EFEMP2: variants seen among roughly 807,000 people sequenced by gnomAD.
EFEMP2 encodes the protein EGF-like fibulin extracellular matrix protein 2, also known as EGF-containing fibulin-like extracellular matrix protein 2.
In EFEMP2, 21 loss-of-function variants were observed where a neutral mutation model predicts 55.3. That is an observed-to-expected ratio of 0.38 (90% confidence interval 0.27 to 0.55). The LOEUF (loss-of-function observed/expected upper bound fraction) is 0.55, where lower values mean the gene tolerates loss of function less well. EFEMP2 is among the 20% of genes least tolerant of loss of function. EFEMP2 has a pLI of 0.77. For synonymous variants in EFEMP2, 275 were observed against 242.3 expected (o/e 1.14, Z -1.25); for missense variants, 513 against 615.1 (o/e 0.83, Z 1.76).
intron 8 of EFEMP2, 36 bp from the exon 9 acceptor site, chr11:65,868,457 C>A (rs533449135): frequency 4.8e-5 from 78 of 1,613,688 alleles, no homozygotes; most frequent in Non-Finnish European, 6.5e-5. Flanking sequence ...TCGGGGGCGT[C>A]AGGCTGCCAG....
chr11:65,867,045 G>T lies in EFEMP2; in HGVS notation c.1205C>A (p.Ala402Asp). 1 of 1,614,162 alleles carries T rather than the reference G, an allele frequency of 6.2e-7. No individual in the cohort carries two copies. The highest frequency in any genetic ancestry group is 8.5e-7 in the Non-Finnish European group (1 of 1,180,032). ...INNVSAMLVL[A>D]RPVTGPREYV... ...CTCCCGGGGGCCCGTCACCGGCCGGGCGAGGACCAGCATGGCGCTGACGTT... is the reference window on the plus strand; with the variant it reads ...CTCCCGGGGGCCCGTCACCGGCCGGTCGAGGACCAGCATGGCGCTGACGTT... Residue 402 changes from alanine to aspartate, a missense_variant, in exon 11 of 11, where the codon GCC becomes GAC. By Grantham distance (126) the Ala-to-Asp change is moderately radical. Transcript: ENST00000307998.
At chr11:65,870,791 G>T (rs1859952465) in intron 4 of EFEMP2, 133 bp from the exon 5 acceptor site, 1 of 1,363,756 alleles carries the variant, frequency 7.3e-7, no homozygotes, top group Middle Eastern at 1.8e-4. Flanking sequence ...ATCAGGAAAG[G>T]CACCCCTAAC....
At chr11:65,871,547 G>T (rs1001125292) in intron 3 of EFEMP2, 184 bp from the exon 4 acceptor site, 23 of 638,950 alleles carry the variant, frequency 3.6e-5, no homozygotes, top group Non-Finnish European at 6.1e-5. Context: ...CTGGAGATGG[G>T]GCAGCTGTTC....
Position 65,870,819 on chromosome 11 carries a change from G to A in EFEMP2, c.368-161C>T. On this transcript the variant is annotated intron_variant, in intron 4 of 10. Coordinates refer to ENST00000307998, the MANE Select transcript of EFEMP2 (RefSeq NM_016938.5). ...CCCCTAACCTCTAAAACCACATGTT[G>A]GGGGTTGCACAGGAAATAAGGTCCT... 8.9e-6 allele frequency: 9 copies of A among 1,007,462 alleles called. No individual in the cohort carries two copies. In the South Asian group the frequency reaches 1.2e-4, roughly 14 times the overall value. The allele number at this position is 1,007,462 out of a possible 1,614,324, so 62.4% of individuals were successfully genotyped here. A position where few individuals can be genotyped will look rare whatever the true frequency, so the allele number is the denominator to read the frequency against.
At chr11:65,871,519 C>T (rs900044713) in intron 3 of EFEMP2, 156 bp from the exon 4 acceptor site, 22 of 730,378 alleles carry the variant, frequency 3.0e-5, no homozygotes, top group Non-Finnish European at 4.6e-5. Flanking sequence ...CAGGACCCCT[C>T]CCCAGGGTTG....
chr11:65,868,071 G>A lies in EFEMP2; in HGVS notation c.975-15C>T, dbSNP rs768211662. 2.9e-5 allele frequency: 46 copies of A among 1,612,912 alleles called. No homozygotes were observed. The Admixed American group carries it at 4.7e-4, about 16-fold the overall frequency. On this transcript the variant is annotated splice_polypyrimidine_tract_variant and intron_variant, in intron 9 of 10. Coordinates refer to ENST00000307998, the MANE Select transcript of EFEMP2 (RefSeq NM_016938.5). Reference sequence around the variant, plus strand: ...AGAGACAGCGGCTAGAGACCCCGAGGTGGGGGACACAAATGAGCTCCTTGC... The same window carrying A: ...AGAGACAGCGGCTAGAGACCCCGAGATGGGGGACACAAATGAGCTCCTTGC...
chr11:65,872,245 G>C lies in EFEMP2; in HGVS notation c.110C>G (p.Thr37Arg). 2 of 1,551,176 alleles carry C rather than the reference G, an allele frequency of 1.3e-6. No homozygotes were observed. Among genetic ancestry groups the C allele is most frequent in the Non-Finnish European group, 1.7e-6 (2 of 1,146,670 alleles). Residue 37 changes from threonine (T) to arginine (R), a missense_variant and splice_region_variant, in exon 2 of 11, where the codon ACG (threonine) becomes AGG (arginine). By Grantham distance (71) the Thr-to-Arg change is moderately conservative. Transcript: ENST00000307998. ...PQDSEEPDSY[T>R]ECTDGYEWDP... Reference sequence around the variant, plus strand: ...GCCAGCGGCCCTCACTGTCCCCACCGTGTAGCTGTCGGGCTCTTCAGAATC... The same window carrying C: ...GCCAGCGGCCCTCACTGTCCCCACCCTGTAGCTGTCGGGCTCTTCAGAATC...
chr11:65,867,833 T>C, intron 10 of EFEMP2, 28 bp downstream of exon 10: 1 of 1,612,554 alleles, frequency 6.2e-7, no homozygotes, highest in Non-Finnish European at 8.5e-7. Flanking sequence ...AGATTGTGCA[T>C]GTCAGTTGAG....
rs1174976333 is a variant in EFEMP2, at chr11:65,866,935, C to T, written c.1315G>A (p.Gly439Arg). ...SSVLRLTVFVGAYTF is the reference protein window; with the variant it reads ...SSVLRLTVFVRAYTF ...CCTGCTCCTCAGAAGGTGTAGGCCC[C>T]TACAAAGACGGTGAGCCTCAGTACA... Residue 439 changes from glycine to arginine, a missense_variant, in exon 11 of 11, where the codon GGG (glycine) becomes AGG (arginine). Transcript: ENST00000307998. 12 of 1,614,134 alleles carry T rather than the reference C, an allele frequency of 7.4e-6. No individual in the cohort carries two copies. Among genetic ancestry groups the T allele is most frequent in the Non-Finnish European group, 9.3e-6 (11 of 1,180,016 alleles).
chr11:65,869,346 G>A (rs1859922916), intron 7 of EFEMP2: 1 of 196,744 alleles, frequency 5.1e-6, no homozygotes, highest in South Asian at 9.5e-5. Flanking sequence ...TGTAGAGGAA[G>A]GAGAAAATCA....
In EFEMP2 at chr11:65,871,341, G is replaced by A. The variant is rs1591067866; in HGVS notation, c.183C>T (p.Ile61=). The A allele has an allele frequency of 4.3e-6, 7 of 1,614,152 alleles. No homozygotes were observed. The highest frequency in any genetic ancestry group is 5.9e-6 in the Non-Finnish European group (7 of 1,179,994). ...HCRDVNECLT[I]PEACKGEMKC... is the part of the protein sequence containing the mutation. The stretch of plus-strand genomic sequence containing the variant: ...TCATTTCCCCCTTGCAGGCCTCAGG[G>A]ATGGTCAGACACTCGTTGACATCTG... The change falls in exon 4 of 11, where the codon ATC becomes ATT. Residue 61 remains isoleucine (I), a synonymous_variant. Transcript: ENST00000307998.
chr11:65,870,220 AGCG>A lies in EFEMP2; in HGVS notation c.505_507del (p.Arg169del), dbSNP rs1424323296. ...ACGCAGCGGTGCTGGCAGTAGCGGT[AGCG>A]GCACTCGTCTATGTCTAGGGATAGA... is the stretch of plus-strand genomic sequence containing the variant. On this transcript the variant is annotated inframe_deletion, in exon 6 of 11. Coordinates refer to ENST00000307998, the MANE Select transcript of EFEMP2 (RefSeq NM_016938.5). 6.2e-7 allele frequency: 1 copy of A among 1,613,236 alleles called. No individual in the cohort carries two copies. The highest frequency in any genetic ancestry group is 1.7e-5 in the Admixed American group (1 of 59,988).
At chr11:65,871,798 T>C (rs1591068113) in intron 3 of EFEMP2, 172 bp downstream of exon 3, 6 of 798,622 alleles carry the variant, frequency 7.5e-6, no homozygotes, top group Non-Finnish European at 1.2e-5. Flanking sequence ...AGGCCACCCC[T>C]AGCTCAACTG....
intron 5 of EFEMP2, 31 bp downstream of exon 5, chr11:65,870,505 C>G (rs760786325): frequency 6.2e-7 from 1 of 1,613,364 alleles, no homozygotes; most frequent in Non-Finnish European, 8.5e-7. Context: ...GACACAAAGC[C>G]GGGACTACAG....
intron 5 of EFEMP2, 145 bp downstream of exon 5, chr11:65,870,391 C>T (rs1051793199): frequency 5.5e-6 from 8 of 1,444,620 alleles, no homozygotes; most frequent in East Asian, 4.7e-5. Flanking sequence ...AAACACTCCC[C>T]GCTACAGTCC....
Position 65,872,685 on chromosome 11 carries a change from G to T in EFEMP2, c.-10C>A. The T allele has an allele frequency of 2.9e-6, 1 of 345,286 alleles. No homozygotes were observed. 21.4% of individuals were successfully genotyped at this position (345,286 alleles called of 1,614,324 possible). A position where few individuals can be genotyped will look rare whatever the true frequency, so the allele number is the denominator to read the frequency against. On this transcript the variant is annotated splice_region_variant and 5_prime_UTR_variant, in exon 1 of 11. Transcript: ENST00000307998. Reference sequence around the variant, plus strand: ...CACGGACGGTCACAGCCACTCACTTGGGCCCGCGACACCCCCGCGGCCCGC... The same window carrying T: ...CACGGACGGTCACAGCCACTCACTTTGGCCCGCGACACCCCCGCGGCCCGC...
At position 65,871,155 on chromosome 11, in the gene EFEMP2, A is replaced by G. The variant is rs1278832353; in HGVS notation, c.367+2T>C. The G allele has an allele frequency of 6.2e-7, 1 of 1,614,062 alleles. No homozygotes were observed. The highest frequency in any genetic ancestry group is 1.7e-5 in the Admixed American group (1 of 60,018). ...CCAGGCACCAGAGCAGTCCCCACTC[A>G]CCCACACAGCTGTCCTGATCGTCGG... On this transcript the variant is annotated splice_donor_variant, in intron 4 of 10. Coordinates refer to ENST00000307998, the MANE Select transcript of EFEMP2 (RefSeq NM_016938.5). LOFTEE classifies it high-confidence loss of function.
chr11:65,871,988 C>A lies in EFEMP2; in HGVS notation c.142G>T (p.Asp48Tyr). The A allele has an allele frequency of 6.4e-7, 1 of 1,551,664 alleles. No homozygotes were observed. Among genetic ancestry groups the A allele is most frequent in the Non-Finnish European group, 8.7e-7 (1 of 1,146,980 alleles). ...CACACACCCCGGCAGTGCTGGCTGT[C>A]TGGGTCCCACTCATAGCCATCTGTG... is the stretch of plus-strand genomic sequence containing the variant. The part of the protein sequence containing the change: ...ECTDGYEWDP[D>Y]SQHCRDVNEC... The change falls in exon 3 of 11, where the codon GAC becomes TAC. Residue 48 changes from aspartate (D) to tyrosine (Y), a missense_variant. Coordinates refer to ENST00000307998, the MANE Select transcript of EFEMP2 (RefSeq NM_016938.5).
At chr11:65,867,817 A>C (rs753124529) in intron 10 of EFEMP2, 44 bp downstream of exon 10, 2 of 1,606,686 alleles carry the variant, frequency 1.2e-6, no homozygotes, top group South Asian at 2.2e-5. Flanking sequence ...CCTGGAGTTC[A>C]GTTTTAGATT....
Sources: gnomAD v4.1 joint callset for allele counts on GRCh38, gnomAD v4.1.1 for gene constraint, MANE v1.5 for transcripts, NCBI Gene and HGNC (gene_info 2026-07-23, HGNC 2026-07-21) for gene names.